Variants in MAN2A1 observed in about 807,000 individuals in gnomAD.
The protein encoded by MAN2A1 is alpha-mannosidase 2.
In MAN2A1, 76 loss-of-function variants were observed where a neutral mutation model predicts 142.6. The observed-to-expected ratio is 0.53, with a 90% CI of 0.44 to 0.65. MAN2A1 has a LOEUF of 0.65. Among genes scored for constraint, MAN2A1 ranks in the 30% least tolerant of loss-of-function variants. The pLI is 0.00. For synonymous variants in MAN2A1, 559 were observed against 473.2 expected, an observed-to-expected ratio of 1.18 and a Z score of -2.35; for missense variants, 1,311 against 1,365.1, an observed-to-expected ratio of 0.96 and a Z score of 0.62.
At chr5:109,742,240 G>C (rs1001620329) in intron 4 of MAN2A1, among the ~76,000 whole-genome samples, 1 of 152,182 alleles carries the variant, frequency 6.6e-6, no homozygotes, top group African/African-American at 2.4e-5. Context: ...CGAATTATTA[G>C]AACCTAAGAA....
chr5:109,839,645 C>G, intron 16 of MAN2A1, among the ~76,000 whole-genome samples: 1 of 134,292 alleles, frequency 7.4e-6, no homozygotes, highest in Non-Finnish European at 1.6e-5. Context: ...GGCCCTGTCT[C>G]TCTCTTTTTT....
chr5:109,782,245 A>G (rs1043410085), intron 9 of MAN2A1, among the ~76,000 whole-genome samples: 1 of 152,202 alleles, frequency 6.6e-6, no homozygotes, highest in African/African-American at 2.4e-5. Context: ...ACATAAAAAC[A>G]CTAAACTGAC....
rs1054365793 is a variant in MAN2A1 at position 109,867,623 on chromosome 5, A to G, written c.*625A>G. 2 of 152,510 alleles carry G rather than the reference A, an allele frequency of 1.3e-5. No homozygotes were observed. Among genetic ancestry groups the G allele is most frequent in the African/African-American group, 4.8e-5 (2 of 41,416 alleles). The allele number at this position is 152,510 out of a possible 1,614,324, so 9.4% of individuals were successfully genotyped here. A position where few individuals can be genotyped will look rare whatever the true frequency, so the allele number is the denominator to read the frequency against. On this transcript the variant is annotated 3_prime_UTR_variant, in exon 22 of 22. Coordinates refer to ENST00000261483, the MANE Select transcript of MAN2A1 (RefSeq NM_002372.4). ...TATTTCCAGAAATACCTGATTTTGA[A>G]TCATTCAACAGTAGAAAAAGAGGCA...
At chr5:109,854,266 G>T (rs1229289621) in intron 19 of MAN2A1, 1 of 152,122 alleles carries the variant, frequency 6.6e-6, no homozygotes, top group Non-Finnish European at 1.5e-5. Context: ...TTACTCCTTA[G>T]GTTAAGATTC....
intron 1 of MAN2A1, among the ~76,000 whole-genome samples, chr5:109,697,863 A>T (rs1750858195): frequency 6.6e-6 from 1 of 152,246 alleles, no homozygotes; most frequent in Non-Finnish European, 1.5e-5. Context: ...AGCATTGGTC[A>T]AACTTTGTGT....
rs867132112 is a variant in MAN2A1 at position 109,781,511 on chromosome 5, C to A, written c.1490C>A (p.Ala497Asp). ...TTAAGTGGAGATTTTTTCACTTATG[C>A]CGATCGAGATGATCATTACTGGAGT... ...PVLSGDFFTYADRDDHYWSGY... is the reference protein window; with the variant it reads ...PVLSGDFFTYDDRDDHYWSGY... Residue 497 changes from alanine to aspartate, a missense_variant, in exon 9 of 22, where the codon GCC (alanine) becomes GAC (aspartate). Physicochemically the swap from Ala to Asp is moderately radical, Grantham distance 126. Transcript: ENST00000261483. 1 of 1,612,736 alleles carries A rather than the reference C, an allele frequency of 6.2e-7. No homozygotes were observed. Among genetic ancestry groups the A allele is most frequent in the African/African-American group, 1.3e-5 (1 of 74,964 alleles).
At chr5:109,820,427 TA>T in intron 15 of MAN2A1, 85 bp downstream of exon 15, 7 of 1,309,422 alleles carry the variant, frequency 5.3e-6, no homozygotes, top group Non-Finnish European at 7.4e-6. Flanking sequence ...GTCATTATTT[TA>T]TCATCTGTTG....
chr5:109,739,436 T>A (rs1299052153), intron 4 of MAN2A1, among the ~76,000 whole-genome samples: 2 of 152,286 alleles, frequency 1.3e-5, no homozygotes, highest in East Asian at 3.9e-4. Flanking sequence ...TCTCTCTTTT[T>A]CATATGCATT....
At chr5:109,829,583 T>TTTGA (rs1754851919) in intron 16 of MAN2A1, among the ~76,000 whole-genome samples, 2 of 152,220 alleles carry the variant, frequency 1.3e-5, no homozygotes, top group African/African-American at 4.8e-5. Flanking sequence ...TAGCCATTGT[T>TTTGA]TTGATTGTAC....
intron 10 of MAN2A1, among the ~76,000 whole-genome samples, chr5:109,787,943 G>A (rs1412972380): frequency 1.3e-5 from 2 of 151,920 alleles, no homozygotes; most frequent in East Asian, 1.9e-4. Flanking sequence ...CCATGTAAAT[G>A]TATTTAATTA....
At chr5:109,819,960 C>A in intron 14 of MAN2A1, 73 bp downstream of exon 14, 4 of 1,106,794 alleles carry the variant, frequency 3.6e-6, no homozygotes, top group African/African-American at 1.6e-5. Flanking sequence ...ATTAATTAGG[C>A]AAAAGGGGAA....
rs918360330 is a variant in MAN2A1, at chr5:109,788,982, A to G, written c.1809A>G (p.Ala603=). 3.7e-6 allele frequency: 6 copies of G among 1,606,498 alleles called. No individual in the cohort carries two copies. Among genetic ancestry groups the G allele is most frequent in the Admixed American group, 1.7e-5 (1 of 59,722 alleles). The change falls in exon 11 of 22, where the codon GCA becomes GCG. Residue 603 remains alanine (A), a synonymous_variant. Transcript: ENST00000261483. ...TGGAGAAGATAATTGGAAATTCTGC[A>G]TTTCTTCTTATTTTGAAGGACAAAC... ...MVLEKIIGNS[A]FLLILKDKLT...
intron 9 of MAN2A1, among the ~76,000 whole-genome samples, chr5:109,783,251 A>G (rs541496264): frequency 4.9e-4 from 75 of 152,288 alleles, no homozygotes; most frequent in Admixed American, 2.6e-4. Flanking sequence ...ACCATACAAT[A>G]GTTATGACTT....
chr5:109,813,035 A>T (rs1482587724), intron 12 of MAN2A1, among the ~76,000 whole-genome samples: 1 of 152,206 alleles, frequency 6.6e-6, no homozygotes, highest in Non-Finnish European at 1.5e-5. Flanking sequence ...TTACACAATC[A>T]TAAAAATATG....
intron 1 of MAN2A1, among the ~76,000 whole-genome samples, chr5:109,713,195 C>T (rs1751351228): frequency 6.6e-6 from 1 of 152,112 alleles, no homozygotes; most frequent in African/African-American, 2.4e-5. Flanking sequence ...TGCTGTTGTA[C>T]AGTGATTCCA....
At chr5:109,747,095 C>T (rs1408849369) in intron 4 of MAN2A1, among the ~76,000 whole-genome samples, 1 of 152,114 alleles carries the variant, frequency 6.6e-6, no homozygotes, top group Admixed American at 6.6e-5. Context: ...ACGTTTTGGC[C>T]ACTGTGAATA....
intron 4 of MAN2A1, among the ~76,000 whole-genome samples, chr5:109,736,526 A>T (rs1170114948): frequency 1.3e-5 from 2 of 152,056 alleles, no homozygotes; most frequent in Non-Finnish European, 2.9e-5. Flanking sequence ...CTAAAAAAAA[A>T]GTTTTTTTTA....
intron 8 of MAN2A1, among the ~76,000 whole-genome samples, chr5:109,779,482 C>G (rs1161511213): frequency 3.9e-5 from 6 of 151,996 alleles, no homozygotes; most frequent in African/African-American, 1.5e-4. Context: ...CTGAGCTCAT[C>G]TGTATCTGCT....
Position 109,690,328 on chromosome 5 carries a change from G to C in MAN2A1, c.-90G>C. The C allele has an allele frequency of 7.0e-7, 1 of 1,422,326 alleles. No homozygotes were observed. The highest frequency in any genetic ancestry group is 9.9e-7 in the Non-Finnish European group (1 of 1,011,192). The allele number at this position is 1,422,326 out of a possible 1,614,324, so 88.1% of individuals were successfully genotyped here. A position where few individuals can be genotyped will look rare whatever the true frequency, so the allele number is the denominator to read the frequency against. On this transcript the variant is annotated 5_prime_UTR_variant, in exon 1 of 22. Coordinates refer to ENST00000261483, the MANE Select transcript of MAN2A1 (RefSeq NM_002372.4). Reference sequence around the variant, plus strand: ...GCGGAGGTCGCGCAGCCCGGGAGAAGGGAGCCTCCGGCGGCTGCTTCCTAG... The same window carrying C: ...GCGGAGGTCGCGCAGCCCGGGAGAACGGAGCCTCCGGCGGCTGCTTCCTAG...
Sources: gnomAD v4.1 joint callset for allele counts (sites outside exome capture counted in the v4.1 genomes callset) on GRCh38, gnomAD v4.1.1 for gene constraint, MANE v1.5 for transcripts, NCBI Gene and HGNC (gene_info 2026-07-23, HGNC 2026-07-21) for gene names.